CADM2: variants seen among roughly 807,000 people sequenced by gnomAD.
The protein encoded by CADM2 is immunoglobulin superfamily member 4D.
A neutral mutation model predicts 49.8 loss-of-function variants in CADM2; 12 were observed. The ratio of observed to expected loss-of-function variants is 0.24; its 90% CI spans 0.15 to 0.39. The LOEUF (loss-of-function observed/expected upper bound fraction) is 0.39. CADM2 is among the 10% of genes least tolerant of loss of function. CADM2 has a pLI of 1.00. For synonymous variants in CADM2, 214 were observed against 175.4 expected (o/e 1.22, Z -1.74); for missense variants, 378 against 492.3 (o/e 0.77, Z 2.20).
intron 3 of CADM2, among the ~76,000 whole-genome samples, chr3:85,875,358 G>C (rs1035187324): frequency 6.6e-6 from 1 of 152,006 alleles, no homozygotes; most frequent in African/African-American, 2.4e-5. Flanking sequence ...ATAAGAATAA[G>C]AGTCTTCATC....
At chr3:85,457,710 C>A (rs2038056932) in intron 1 of CADM2, among the ~76,000 whole-genome samples, 1 of 151,984 alleles carries the variant, frequency 6.6e-6, no homozygotes, top group Non-Finnish European at 1.5e-5. Context: ...AAGTGTAATG[C>A]AAACTTAGAA....
At chr3:85,346,898 C>G (rs944810840) in intron 1 of CADM2, among the ~76,000 whole-genome samples, 2 of 151,922 alleles carry the variant, frequency 1.3e-5, no homozygotes, top group Admixed American at 6.6e-5. Context: ...TAAAGCGCAA[C>G]AAATAAAAAC....
intron 1 of CADM2, among the ~76,000 whole-genome samples, chr3:85,182,296 T>C (rs2040955337): frequency 6.6e-6 from 1 of 152,050 alleles, no homozygotes; most frequent in Admixed American, 6.6e-5. Flanking sequence ...TGGAAAGGGA[T>C]AATAAATTTA....
intron 1 of CADM2, among the ~76,000 whole-genome samples, chr3:85,126,421 T>C (rs2039036417): frequency 6.6e-6 from 1 of 152,046 alleles, no homozygotes; most frequent in South Asian, 2.1e-4. Context: ...GTTAGTGTTG[T>C]GGGGAAAAAA....
rs1385853085 is a variant in CADM2, at chr3:85,338,349, C to G, written c.61+378681C>G. Among the ~76,000 whole-genome samples the G allele has an allele frequency of 3.3e-5, 5 of 151,576 alleles. No homozygotes were observed. The East Asian group carries it at 9.7e-4, about 29-fold the overall frequency. On this transcript the variant is annotated intron_variant, in intron 1 of 9. Transcript: ENST00000383699. ...TTAATAACTGGTTAATCCAATCCAC[C>G]TTTGTCTAGATGGATTTCTAAGAGT... is the stretch of plus-strand genomic sequence containing the variant.
chr3:85,594,073 G>A (rs1489499823), intron 1 of CADM2, among the ~76,000 whole-genome samples: 1 of 151,800 alleles, frequency 6.6e-6, no homozygotes, highest in African/African-American at 2.4e-5. Context: ...CATATTTGCT[G>A]ATGTAAATTC....
intron 8 of CADM2, among the ~76,000 whole-genome samples, chr3:86,023,536 T>C (rs1351386116): frequency 6.6e-6 from 1 of 152,080 alleles, no homozygotes; most frequent in African/African-American, 2.4e-5. Context: ...TTTTGTATTT[T>C]TAGTAGAGAC....
At chr3:85,223,939 T>C (rs1388303217) in intron 1 of CADM2, among the ~76,000 whole-genome samples, 1 of 148,982 alleles carries the variant, frequency 6.7e-6, no homozygotes, top group Admixed American at 6.9e-5. Context: ...AACTCATCAT[T>C]TTTTTATGGC....
intron 1 of CADM2, among the ~76,000 whole-genome samples, chr3:85,351,072 A>G (rs2031291664): frequency 6.6e-6 from 1 of 152,170 alleles, no homozygotes; most frequent in Non-Finnish European, 1.5e-5. Context: ...CATGTTTATC[A>G]CTTAGTGCCA....
intron 1 of CADM2, among the ~76,000 whole-genome samples, chr3:85,529,326 C>T (rs1462081237): frequency 1.3e-5 from 2 of 152,142 alleles, no homozygotes; most frequent in African/African-American, 4.8e-5. Context: ...GCTTCTGTGG[C>T]TTTCCCAAGC....
chr3:85,991,054 G>C (rs925377805), intron 8 of CADM2, among the ~76,000 whole-genome samples: 2 of 152,254 alleles, frequency 1.3e-5, no homozygotes, highest in East Asian at 3.9e-4. Flanking sequence ...ACCCTGGTGG[G>C]AAAGATGCCA....
At chr3:85,037,230 G>A (rs1291542075) in intron 1 of CADM2, among the ~76,000 whole-genome samples, 1 of 152,172 alleles carries the variant, frequency 6.6e-6, no homozygotes, top group Non-Finnish European at 1.5e-5. Context: ...AGTGTTGGCT[G>A]TAGCCAAGAG....
chr3:85,915,590 G>T (rs771471073), intron 6 of CADM2, among the ~76,000 whole-genome samples: 1 of 152,146 alleles, frequency 6.6e-6, no homozygotes, highest in East Asian at 1.9e-4. Context: ...CTCAATAGTT[G>T]TTCCCAGAGA....
chr3:85,168,468 A>G (rs2040530254), intron 1 of CADM2, among the ~76,000 whole-genome samples: 1 of 152,212 alleles, frequency 6.6e-6, no homozygotes, highest in Non-Finnish European at 1.5e-5. Flanking sequence ...TCCAGTAAAT[A>G]TTTGTTATAA....
intron 1 of CADM2, among the ~76,000 whole-genome samples, chr3:85,646,569 C>T (rs902104696): frequency 6.6e-6 from 1 of 151,866 alleles, no homozygotes; most frequent in Non-Finnish European, 1.5e-5. Context: ...TTGTTTCTCA[C>T]TAAGTATATT....
At chr3:85,205,227 T>C (rs1275729603) in intron 1 of CADM2, among the ~76,000 whole-genome samples, 1 of 152,108 alleles carries the variant, frequency 6.6e-6, no homozygotes, top group Non-Finnish European at 1.5e-5. Context: ...CTCACTATAT[T>C]TCTCAGGCTG....
chr3:85,898,955 A>ATATATATATATAT (rs1475991339), intron 5 of CADM2, among the ~76,000 whole-genome samples: 1 of 33,914 alleles, frequency 2.9e-5, no homozygotes, highest in Non-Finnish European at 4.8e-5. Flanking sequence ...ATATATATAT[A>ATATATATATATAT]TTTTTTTTTT....
At position 85,975,939 on chromosome 3, in the gene CADM2, T is replaced by C. The variant is rs546720882; in HGVS notation, c.970+14292T>C. 3.3e-5 allele frequency among the ~76,000 whole-genome samples: 5 copies of C among 151,682 alleles called. No individual in the cohort carries two copies. In the South Asian group the frequency reaches 8.3e-4, roughly 25 times the overall value. On this transcript the variant is annotated intron_variant, in intron 8 of 9. Coordinates refer to ENST00000383699, the MANE Select transcript of CADM2 (RefSeq NM_001167675.2). ...CTGTGTTCAAATATCATCTGATTAA[T>C]CATAGGATGTTACCATATAAGGCAT...
chr3:85,196,928 C>T (rs2041358336), intron 1 of CADM2, among the ~76,000 whole-genome samples: 1 of 151,794 alleles, frequency 6.6e-6, no homozygotes, highest in South Asian at 2.1e-4. Context: ...ATAAATTACT[C>T]AAATTAGAAC....
Sources: allele counts gnomAD v4.1 joint callset (sites outside exome capture counted in the v4.1 genomes callset), GRCh38; gene constraint gnomAD v4.1.1; transcripts MANE v1.5; gene names NCBI Gene and HGNC (gene_info 2026-07-23, HGNC 2026-07-21).